FN1: variants seen among roughly 807,000 people sequenced by gnomAD.
The protein encoded by FN1 is fibronectin 1, also known as fibronectin.
Under a neutral mutation model 297.3 loss-of-function variants are expected in FN1, and 106 were observed. The ratio of observed to expected loss-of-function variants is 0.36; its 90% CI spans 0.30 to 0.42. FN1 has a LOEUF of 0.42. FN1 is among the 10% of genes least tolerant of loss of function. The pLI, the probability that FN1 is intolerant of heterozygous loss-of-function variation, is 1.00. For synonymous variants in FN1, 1,149 were observed against 1,152.6 expected, an observed-to-expected ratio of 1.00 and a Z score of 0.06; for missense variants, 2,690 against 3,124.9, an observed-to-expected ratio of 0.86 and a Z score of 3.32.
At chr2:215,433,236 A>G in intron 3 of FN1, 88 bp downstream of exon 3, 3 of 1,532,326 alleles carry the variant, frequency 2.0e-6, no homozygotes, top group South Asian at 2.2e-5. Flanking sequence ...CGGAATATCC[A>G]GTCATGGATA....
At chr2:215,425,702 A>G (rs1274491265) in intron 6 of FN1, among the ~76,000 whole-genome samples, 1 of 151,842 alleles carries the variant, frequency 6.6e-6, no homozygotes, top group Non-Finnish European at 1.5e-5. Context: ...ACAGGCACGC[A>G]CCACCATGCC....
chr2:215,434,765 G>T lies in FN1; in HGVS notation c.208C>A (p.Leu70Ile). The change falls in exon 2 of 46, where the codon CTA becomes ATA. Residue 70 changes from leucine to isoleucine, a missense_variant. Leu to Ile is a conservative substitution (Grantham distance 5). Coordinates refer to ENST00000354785, the MANE Select transcript of FN1 (RefSeq NM_212482.4). ...CAAGTACAAACCAACGCATTGCCTAGGTAGGTCCGCTCCCACTGTTGATTT... is the reference window on the plus strand; with the variant it reads ...CAAGTACAAACCAACGCATTGCCTATGTAGGTCCGCTCCCACTGTTGATTT... ...QINQQWERTY[L>I]GNALVCTCYG... The T allele has an allele frequency of 6.2e-7, 1 of 1,614,094 alleles. No homozygotes were observed.
intron 20 of FN1, among the ~76,000 whole-genome samples, chr2:215,403,212 A>G (rs183201052): frequency 2.1e-4 from 32 of 152,340 alleles, no homozygotes; most frequent in Admixed American, 3.9e-4. Flanking sequence ...TTTGCAAATT[A>G]AAAGTGAATT....
Position 215,365,612 on chromosome 2 carries a change from C to T in FN1, c.7037G>A (p.Gly2346Asp), listed in dbSNP as rs1381262491. 2 of 1,613,882 alleles carry T rather than the reference C, an allele frequency of 1.2e-6. No homozygotes were observed. Among genetic ancestry groups the T allele is most frequent in the African/African-American group, 1.3e-5 (1 of 74,900 alleles). The change falls in exon 43 of 46, where the codon GGT (glycine) becomes GAT (aspartate). Residue 2346 changes from glycine (G) to aspartate (D), a missense_variant. Around this residue, in one of 3 missense-constraint regions of FN1, gnomAD observed 1,743 missense variants for 1,945.2 expected, o/e 0.90. Coordinates refer to ENST00000354785, the MANE Select transcript of FN1 (RefSeq NM_212482.4). ...CTTCTCTCCAATCTTGTAGTTCACA[C>T]CATTGTCATGGCACCATCCTGTAGG... The part of the protein sequence containing the change: ...CDSSRWCHDN[G>D]VNYKIGEKWD...
intron 4 of FN1, 112 bp downstream of exon 4, chr2:215,431,721 T>G: frequency 9.1e-7 from 1 of 1,095,732 alleles, no homozygotes; most frequent in Non-Finnish European, 1.4e-6. Flanking sequence ...TCCCATTTCT[T>G]TATTGGTTTT....
intron 12 of FN1, among the ~76,000 whole-genome samples, chr2:215,416,626 C>T (rs2063467806): frequency 6.6e-6 from 1 of 152,126 alleles, no homozygotes; most frequent in Non-Finnish European, 1.5e-5. Flanking sequence ...CATAAAGAGA[C>T]ACCTGATATA....
chr2:215,365,904 C>T lies in FN1; in HGVS notation c.7019-274G>A, dbSNP rs2372541. On this transcript the variant is annotated intron_variant, in intron 42 of 45. Transcript: ENST00000354785. ...CACTGTAACCTCCATCTCCTGGGTT[C>T]ATGCAGTTATCCTGCCTCAGCCTCC... is the stretch of plus-strand genomic sequence containing the variant. 0.028 allele frequency among the ~76,000 whole-genome samples: 4,175 copies of T among 148,676 alleles called. 182 individuals carry two copies. Among genetic ancestry groups the T allele is most frequent in the African/African-American group, 0.096 (3,866 of 40,126 alleles).
intron 41 of FN1, among the ~76,000 whole-genome samples, chr2:215,369,809 C>G (rs1363320657): frequency 6.6e-6 from 1 of 152,156 alleles, no homozygotes. Flanking sequence ...GACAGAAATG[C>G]ACAATGTTGG....
intron 39 of FN1, 85 bp from the exon 40 acceptor site, chr2:215,372,460 C>T: frequency 1.0e-6 from 1 of 978,354 alleles, no homozygotes; most frequent in South Asian, 1.3e-5. Context: ...ATTCAGGCAA[C>T]AATGACTGTT....
intron 33 of FN1, 36 bp downstream of exon 33, chr2:215,380,775 T>C: frequency 6.2e-7 from 1 of 1,611,846 alleles, no homozygotes; most frequent in Non-Finnish European, 8.5e-7. Context: ...AAGCCGCTGC[T>C]CCCATGGGCA....
At chr2:215,394,444 C>G (rs1331014859) in intron 24 of FN1, 84 bp downstream of exon 24, 1 of 1,160,508 alleles carries the variant, frequency 8.6e-7, no homozygotes, top group African/African-American at 1.5e-5. Context: ...TAGTTGACAC[C>G]CTTAAGCATC....
At chr2:215,367,800 T>C (rs924891967) in intron 42 of FN1, 63 bp downstream of exon 42, 1 of 1,520,730 alleles carries the variant, frequency 6.6e-7, no homozygotes, top group Non-Finnish European at 9.1e-7. Context: ...CCTTGGCACA[T>C]GAGTGCATGC....
Position 215,361,759 on chromosome 2 carries a change from C to G in FN1, c.7363-133G>C, listed in dbSNP as rs902182464. 1.1e-5 allele frequency: 11 copies of G among 1,003,246 alleles called. No homozygotes were observed. In the South Asian group the frequency reaches 1.5e-4, roughly 14 times the overall value. The allele number at this position is 1,003,246 out of a possible 1,614,324, so 62.1% of individuals were successfully genotyped here. On this transcript the variant is annotated intron_variant, in intron 45 of 45. Coordinates refer to ENST00000354785, the MANE Select transcript of FN1 (RefSeq NM_212482.4). ...TAATATTTCTTCCTAGTTTCAAGAA[C>G]CTAGCAGCATACTGGGCAATAGGAG...
intron 41 of FN1, among the ~76,000 whole-genome samples, chr2:215,369,901 A>G (rs1174152534): frequency 1.3e-5 from 2 of 152,220 alleles, no homozygotes; most frequent in Admixed American, 1.3e-4. Flanking sequence ...TCGTTTCAGT[A>G]TTTAATCACT....
At position 215,414,866 on chromosome 2, in the gene FN1, T is replaced by C. The variant is rs1213220401; in HGVS notation, c.1912A>G (p.Ile638Val). The change falls in exon 13 of 46, where the codon ATT (isoleucine) becomes GTT (valine). Residue 638 changes from isoleucine (I) to valine (V), a missense_variant. Physicochemically the swap from Ile to Val is conservative, Grantham distance 29. Around this residue, in one of 3 missense-constraint regions of FN1, gnomAD observed 876 missense variants for 1,058.1 expected, o/e 0.83. Coordinates refer to ENST00000354785, the MANE Select transcript of FN1 (RefSeq NM_212482.4). ...IQWNAPQPSH[I>V]SKYILRWRPK... is the part of the protein sequence containing the mutation. Reference sequence around the variant, plus strand: ...CTCCACCTGAGAATGTACTTGGAAATGTGAGATGGCTGTGGTGCATTCCAC... The same window carrying C: ...CTCCACCTGAGAATGTACTTGGAAACGTGAGATGGCTGTGGTGCATTCCAC... The C allele has an allele frequency of 6.2e-7, 1 of 1,613,870 alleles. No homozygotes were observed. Among genetic ancestry groups the C allele is most frequent in the East Asian group, 2.2e-5 (1 of 44,874 alleles).
Position 215,435,695 on chromosome 2 carries a change from C to A in FN1, c.108G>T (p.Met36Ile). 1 of 1,613,214 alleles carries A rather than the reference C, an allele frequency of 6.2e-7. No individual in the cohort carries two copies. Among genetic ancestry groups the A allele is most frequent in the Non-Finnish European group, 8.5e-7 (1 of 1,179,878 alleles). ...ASKSKRQAQQ[M>I]VQPQSPVAVS... ...CAGCCACCGGGGACTGGGGCTGAAC[C>A]ATTTGCTGAGCCTGCCTCTTGCTCT... The change falls in exon 1 of 46, where the codon ATG becomes ATT. Residue 36 changes from methionine to isoleucine, a missense_variant. Physicochemically the swap from Met to Ile is conservative, Grantham distance 10. This residue lies in a region of FN1 where 876 missense variants were observed against 1,058.1 expected (regional missense o/e 0.83). Transcript: ENST00000354785.
rs372630406 is a variant in FN1 at position 215,414,373 on chromosome 2, A to C, written c.1941+464T>G. 7.2e-5 allele frequency among the ~76,000 whole-genome samples: 11 copies of C among 152,326 alleles called. No individual in the cohort carries two copies. The East Asian group carries it at 1.9e-3, about 27-fold the overall frequency. On this transcript the variant is annotated intron_variant, in intron 13 of 45. Coordinates refer to ENST00000354785, the MANE Select transcript of FN1 (RefSeq NM_212482.4). ...ATCTAAATAAATTCAGTGGGTCAAA[A>C]GTAAAGTTTTAAAAATGATCACTTA...
At chr2:215,367,615 C>A in intron 42 of FN1, 1 of 515,012 alleles carries the variant, frequency 1.9e-6, no homozygotes, top group Non-Finnish European at 3.5e-6. Context: ...CAAATTAGCA[C>A]CATAATCTTA....
In FN1 at chr2:215,399,220, G is replaced by T. The variant is rs1267313299; in HGVS notation, c.3348+37C>A. On this transcript the variant is annotated intron_variant, in intron 21 of 45. Coordinates refer to ENST00000354785, the MANE Select transcript of FN1 (RefSeq NM_212482.4). ...CATGGGAACCACAAGGACAGCTCAG[G>T]GCTGTATCACAGAGATTAGGAACAT... 4 of 1,469,402 alleles carry T rather than the reference G, an allele frequency of 2.7e-6. No homozygotes were observed. In the South Asian group the frequency reaches 4.5e-5, roughly 17 times the overall value. 91.0% of individuals were successfully genotyped at this position (1,469,402 alleles called of 1,614,324 possible).
Sources: allele counts gnomAD v4.1 joint callset (sites outside exome capture counted in the v4.1 genomes callset), GRCh38; gene constraint gnomAD v4.1.1; regional missense constraint gnomAD v4.1.1; transcripts MANE v1.5; gene names NCBI Gene and HGNC (gene_info 2026-07-23, HGNC 2026-07-21).